Variants in GRAMD2B observed in about 807,000 individuals in gnomAD.
The protein encoded by GRAMD2B is GRAM domain containing 2B.
Under a neutral mutation model 59.2 loss-of-function variants are expected in GRAMD2B, and 41 were observed. That is an observed-to-expected ratio of 0.69 (90% confidence interval 0.54 to 0.90). GRAMD2B has a LOEUF of 0.90. Among genes scored for constraint, GRAMD2B ranks in the 40% least tolerant of loss-of-function variants. The pLI is 0.00. For synonymous variants in GRAMD2B, 161 were observed against 182.7 expected (o/e 0.88, Z 0.96); for missense variants, 424 against 500.5 (o/e 0.85, Z 1.46).
At chr5:126,388,843 A>T (rs1348550733) in intron 1 of GRAMD2B, among the ~76,000 whole-genome samples, 1 of 152,088 alleles carries the variant, frequency 6.6e-6, no homozygotes, top group Admixed American at 6.6e-5. Flanking sequence ...AAGCTTCCAA[A>T]AATCCCAAAG....
intron 1 of GRAMD2B, among the ~76,000 whole-genome samples, chr5:126,439,069 T>C (rs1762863257): frequency 6.6e-6 from 1 of 152,092 alleles, no homozygotes; most frequent in African/African-American, 2.4e-5. Flanking sequence ...TTATGTGAAA[T>C]GTCAGTAAAG....
At chr5:126,371,978 T>G (rs944523014) in intron 1 of GRAMD2B, among the ~76,000 whole-genome samples, 1 of 152,108 alleles carries the variant, frequency 6.6e-6, no homozygotes, top group Admixed American at 6.5e-5. Context: ...TTAAGATAAT[T>G]GCCTTCTTTT....
rs549978261 is a variant in GRAMD2B at position 126,379,579 on chromosome 5, A to AT, written c.125+8019dup. On this transcript the variant is annotated intron_variant, in intron 1 of 8. Coordinates refer to the GRAMD2B transcript ENST00000506445. ...CACACCAACATCTATTATTTTTTTGATTTTTTTATTATGGCCATTCTTGCA... is the reference window on the plus strand; with the variant it reads ...CACACCAACATCTATTATTTTTTTGATTTTTTTTATTATGGCCATTCTTGCA... 7.9e-5 allele frequency among the ~76,000 whole-genome samples: 12 copies of AT among 151,778 alleles called. No individual in the cohort carries two copies. In the East Asian group the frequency reaches 1.5e-3, roughly 20 times the overall value.
chr5:126,467,849 GA>G (rs1463114713), intron 2 of GRAMD2B, among the ~76,000 whole-genome samples: 1 of 152,088 alleles, frequency 6.6e-6, no homozygotes, highest in African/African-American at 2.4e-5. Context: ...CAGCATTGTG[GA>G]ATCATACACT....
At chr5:126,376,908 A>C (rs974244772) in intron 1 of GRAMD2B, among the ~76,000 whole-genome samples, 1 of 151,962 alleles carries the variant, frequency 6.6e-6, no homozygotes, top group African/African-American at 2.4e-5. Flanking sequence ...GAGAAAGAAC[A>C]AATTGCACCA....
intron 1 of GRAMD2B, among the ~76,000 whole-genome samples, chr5:126,432,516 GTGA>G (rs1267262968): frequency 5.3e-5 from 8 of 152,148 alleles, no homozygotes; most frequent in African/African-American, 1.9e-4. Flanking sequence ...TATATCGATA[GTGA>G]TGAAAAACTA....
chr5:126,408,496 T>C (rs1031786826), intron 1 of GRAMD2B, among the ~76,000 whole-genome samples: 5 of 151,450 alleles, frequency 3.3e-5, no homozygotes, highest in Non-Finnish European at 7.4e-5. Context: ...AAAATGGTAG[T>C]TCTGTTTTTT....
At chr5:126,466,234 C>G in intron 2 of GRAMD2B, 1 of 1,547,190 alleles carries the variant, frequency 6.5e-7, no homozygotes, top group Non-Finnish European at 8.7e-7. Flanking sequence ...CCTTCTACTT[C>G]TTTTGGTCTT....
chr5:126,403,539 G>T (rs1580810082), intron 1 of GRAMD2B, among the ~76,000 whole-genome samples: 4 of 151,890 alleles, frequency 2.6e-5, no homozygotes, highest in South Asian at 4.1e-4. Context: ...GAAATAAAGG[G>T]CTCAGCAGAA....
At chr5:126,455,098 T>A (rs976576499) in intron 1 of GRAMD2B, among the ~76,000 whole-genome samples, 18 of 152,190 alleles carry the variant, frequency 1.2e-4, no homozygotes, top group African/African-American at 4.3e-4. Context: ...ATCATTCCAA[T>A]GTTGTCTCTG....
intron 1 of GRAMD2B, among the ~76,000 whole-genome samples, chr5:126,449,185 C>G (rs1011605875): frequency 2.0e-5 from 3 of 152,130 alleles, no homozygotes; most frequent in Non-Finnish European, 4.4e-5. Context: ...TGCTTATTTC[C>G]TTGAAAGTGG....
chr5:126,396,165 T>C (rs1757345724), intron 1 of GRAMD2B, among the ~76,000 whole-genome samples: 1 of 152,226 alleles, frequency 6.6e-6, no homozygotes, highest in Admixed American at 6.5e-5. Context: ...GCAAATTTTC[T>C]TTCTTTTTTT....
At chr5:126,482,361 T>C (rs1018074614) in intron 8 of GRAMD2B, among the ~76,000 whole-genome samples, 1 of 152,210 alleles carries the variant, frequency 6.6e-6, no homozygotes, top group African/African-American at 2.4e-5. Flanking sequence ...AAAATCTACC[T>C]TGAAAAACAG....
At chr5:126,459,521 A>C (rs747761988) in intron 1 of GRAMD2B, among the ~76,000 whole-genome samples, 5 of 152,254 alleles carry the variant, frequency 3.3e-5, no homozygotes, top group Non-Finnish European at 7.3e-5. Flanking sequence ...TAAATGTTTC[A>C]ATCAACAACC....
upstream of GRAMD2B, among the ~76,000 whole-genome samples, chr5:126,367,353 T>A (rs1371240684): frequency 6.6e-6 from 1 of 152,108 alleles, no homozygotes; most frequent in Non-Finnish European, 1.5e-5. Context: ...TCTGGAAAAC[T>A]CCATTTTGAA....
intron 1 of GRAMD2B, among the ~76,000 whole-genome samples, chr5:126,445,787 G>C (rs190510071): frequency 6.6e-6 from 1 of 152,102 alleles, no homozygotes; most frequent in Non-Finnish European, 1.5e-5. Flanking sequence ...ATGCTGATTC[G>C]TGTCATTGGG....
upstream of GRAMD2B, among the ~76,000 whole-genome samples, chr5:126,367,527 C>T (rs556886395): frequency 6.6e-6 from 1 of 152,156 alleles, no homozygotes; most frequent in East Asian, 1.9e-4. Flanking sequence ...ATGAATTCCG[C>T]ACCTCCCATC....
chr5:126,379,312 G>A (rs901670150), intron 1 of GRAMD2B, among the ~76,000 whole-genome samples: 28 of 152,228 alleles, frequency 1.8e-4, no homozygotes, highest in African/African-American at 6.3e-4. Flanking sequence ...TGATTGATGG[G>A]CATTTGGGCT....
chr5:126,423,740 T>A, intron 1 of GRAMD2B, 51 bp downstream of exon 1: 1 of 1,535,510 alleles, frequency 6.5e-7, no homozygotes, highest in African/African-American at 1.4e-5. Flanking sequence ...GAGCGCAGCC[T>A]AAACTTCTCT....
Sources: allele counts gnomAD v4.1 joint callset (sites outside exome capture counted in the v4.1 genomes callset), GRCh38; gene constraint gnomAD v4.1.1; transcripts MANE v1.5; gene names NCBI Gene and HGNC (gene_info 2026-07-23, HGNC 2026-07-21).